MOB1B: variants seen among roughly 807,000 people sequenced by gnomAD.
The protein encoded by MOB1B is MOB1 Mps One Binder homolog B.
In MOB1B, 19 loss-of-function variants were observed where a neutral mutation model predicts 24.4. That is an observed-to-expected ratio of 0.78 (90% CI 0.54 to 1.14). MOB1B has a LOEUF of 1.14. MOB1B is among the 50% of genes most tolerant of loss of function. The pLI is 0.00. For synonymous variants in MOB1B, 76 were observed against 82.1 expected, an observed-to-expected ratio of 0.93 and a Z score of 0.40; for missense variants, 243 against 259.6, an observed-to-expected ratio of 0.94 and a Z score of 0.44.
intron 1 of MOB1B, among the ~76,000 whole-genome samples, chr4:70,951,695 C>T (rs1201582680): frequency 1.3e-5 from 2 of 152,260 alleles, no homozygotes; most frequent in Non-Finnish European, 2.9e-5. Flanking sequence ...CCTAGCAGTT[C>T]GAGACCAGCT....
chr4:70,967,461 A>G (rs1039868202), intron 2 of MOB1B, among the ~76,000 whole-genome samples: 1 of 152,190 alleles, frequency 6.6e-6, no homozygotes, highest in Non-Finnish European at 1.5e-5. Context: ...CCAATTCAGT[A>G]AGGCAAGAAA....
intron 4 of MOB1B, 183 bp downstream of exon 4, chr4:70,975,469 A>G: frequency 7.5e-7 from 1 of 1,326,856 alleles, no homozygotes; most frequent in Non-Finnish European, 9.6e-7. Flanking sequence ...TAAAATAAGC[A>G]AGTGATCCTG....
chr4:70,972,758 ATTATTTTATT>A (rs140540036), intron 3 of MOB1B, among the ~76,000 whole-genome samples: 9 of 151,256 alleles, frequency 6.0e-5, no homozygotes, highest in South Asian at 4.2e-4. Context: ...GCAATACACA[ATTATTTTATT>A]TTATTTTATT....
intron 1 of MOB1B, among the ~76,000 whole-genome samples, chr4:70,928,763 T>G (rs148108429): frequency 9.0e-4 from 137 of 152,342 alleles, no homozygotes; most frequent in African/African-American, 3.2e-3. Flanking sequence ...AAAAAACTTT[T>G]TTTTAATAGA....
intron 1 of MOB1B, among the ~76,000 whole-genome samples, chr4:70,942,572 A>G (rs1008582060): frequency 6.6e-6 from 1 of 152,194 alleles, no homozygotes; most frequent in African/African-American, 2.4e-5. Flanking sequence ...GAATAAACCT[A>G]AACTGTAGTT....
rs60253864 is a variant in MOB1B at position 70,979,096 on chromosome 4, T to C, written c.410-32T>C. On this transcript the variant is annotated intron_variant, in intron 4 of 5. Transcript: ENST00000309395. ...CTCATTGTCTTGTTGTCATCTCTTG[T>C]TACTAGAGGGAGTTGTTTATCTCTT... 1.7e-3 allele frequency: 2,696 copies of C among 1,581,982 alleles called. 44 individuals are homozygous for C. In the African/African-American group the frequency reaches 0.031, roughly 18 times the overall value.
Position 70,971,633 on chromosome 4 carries a change from T to A in MOB1B, c.275+1609T>A, listed in dbSNP as rs191844480. The stretch of plus-strand genomic sequence containing the variant: ...TTAGAGGAACGGGGGCATTTAGAAA[T>A]GAAATCAGTCCCCCTTTAGTATTAA... On this transcript the variant is annotated intron_variant, in intron 3 of 5. Transcript: ENST00000309395. Among the ~76,000 whole-genome samples the A allele has an allele frequency of 2.3e-3, 356 of 152,260 alleles. 4 individuals carry two copies. The highest frequency in any genetic ancestry group is 8.1e-3 in the African/African-American group (336 of 41,540).
chr4:70,969,145 G>C (rs1308701944), intron 2 of MOB1B, among the ~76,000 whole-genome samples: 1 of 151,968 alleles, frequency 6.6e-6, no homozygotes, highest in Non-Finnish European at 1.5e-5. Context: ...ACTTACCTTA[G>C]TTTTTGTTTT....
intron 4 of MOB1B, among the ~76,000 whole-genome samples, chr4:70,978,067 G>A (rs558598795): frequency 1.3e-5 from 2 of 152,208 alleles, no homozygotes; most frequent in South Asian, 2.1e-4. Flanking sequence ...TTACGTATCT[G>A]CTACTTTCTG....
intron 1 of MOB1B, among the ~76,000 whole-genome samples, chr4:70,936,041 C>T (rs959763319): frequency 2.4e-4 from 37 of 151,774 alleles, no homozygotes; most frequent in Non-Finnish European, 4.6e-4. Context: ...TTAGTAGAGA[C>T]GGGGTTTCAC....
chr4:70,951,757 G>A, intron 1 of MOB1B, among the ~76,000 whole-genome samples: 1 of 152,202 alleles, frequency 6.6e-6, no homozygotes, highest in Non-Finnish European at 1.5e-5. Context: ...AAATTAGCTG[G>A]GTGTGGTGGC....
chr4:70,910,811 CAG>C (rs1414292895), intron 1 of MOB1B, among the ~76,000 whole-genome samples: 2 of 151,030 alleles, frequency 1.3e-5, no homozygotes, highest in Non-Finnish European at 2.9e-5. Context: ...TTTTTTGAGA[CAG>C]AGCTTTGCTC....
intron 1 of MOB1B, among the ~76,000 whole-genome samples, chr4:70,929,518 T>A (rs139658605): frequency 1.1e-3 from 163 of 152,246 alleles, no homozygotes; most frequent in African/African-American, 3.5e-3. Flanking sequence ...TCTTGCTCTG[T>A]GGCTGAGTCT....
chr4:70,910,802 T>G (rs1285219612), intron 1 of MOB1B, among the ~76,000 whole-genome samples: 2 of 152,036 alleles, frequency 1.3e-5, no homozygotes, highest in African/African-American at 4.8e-5. Flanking sequence ...TTTTTTTTGT[T>G]TTTTGAGACA....
chr4:70,917,061 A>G (rs1218419099), intron 1 of MOB1B, among the ~76,000 whole-genome samples: 14 of 152,182 alleles, frequency 9.2e-5, no homozygotes, highest in Admixed American at 9.2e-4. Flanking sequence ...CATTTCTAAC[A>G]CTACTTCTTT....
At position 70,973,418 on chromosome 4, in the gene MOB1B, T is replaced by G. The variant is rs76689596; in HGVS notation, c.276-1735T>G. Among the ~76,000 whole-genome samples the G allele has an allele frequency of 4.1e-3, 584 of 142,618 alleles. 3 individuals carry two copies. Among genetic ancestry groups the G allele is most frequent in the African/African-American group, 0.015 (560 of 37,774 alleles). 93.6% of individuals were successfully genotyped at this position (142,618 alleles called of 152,430 possible). ...CCAGGAGTTCAAGGGTGCGGTGAGC[T>G]ATGCTCGTGCCACTGTACTTCAGCC... On this transcript the variant is annotated intron_variant, in intron 3 of 5. Coordinates refer to ENST00000309395, the MANE Select transcript of MOB1B (RefSeq NM_173468.4).
intron 1 of MOB1B, among the ~76,000 whole-genome samples, chr4:70,906,859 C>T (rs1215718383): frequency 1.3e-5 from 2 of 152,084 alleles, no homozygotes; most frequent in Non-Finnish European, 2.9e-5. Flanking sequence ...GTGTGCCAGG[C>T]GTAGAGGAAG....
intron 1 of MOB1B, among the ~76,000 whole-genome samples, chr4:70,952,682 C>G (rs967721086): frequency 6.9e-6 from 1 of 144,616 alleles, no homozygotes; most frequent in Admixed American, 6.9e-5. Flanking sequence ...AAAAAAAAAA[C>G]TTTCTAATGC....
In MOB1B at chr4:70,958,713, A is replaced by G. The variant is rs757041480; in HGVS notation, c.15-161A>G. 35 of 811,202 alleles carry G rather than the reference A, an allele frequency of 4.3e-5. No individual in the cohort carries two copies. In the South Asian group the frequency reaches 4.4e-4, roughly 10 times the overall value. 50.3% of individuals were successfully genotyped at this position (811,202 alleles called of 1,614,324 possible). On this transcript the variant is annotated intron_variant, in intron 1 of 5. Transcript: ENST00000309395. ...TTTTTGTGAGTTAACTAGACACAGCAGAGAAAGTTTGTAGGAGTTTTGGAT... is the reference window on the plus strand; with the variant it reads ...TTTTTGTGAGTTAACTAGACACAGCGGAGAAAGTTTGTAGGAGTTTTGGAT...
Sources: gnomAD v4.1 joint callset for allele counts (sites outside exome capture counted in the v4.1 genomes callset) on GRCh38, gnomAD v4.1.1 for gene constraint, MANE v1.5 for transcripts, NCBI Gene and HGNC (gene_info 2026-07-23, HGNC 2026-07-21) for gene names.